CARMIL1: variants seen among roughly 807,000 people sequenced by gnomAD.
CARMIL1 encodes the protein F-actin-uncapping protein LRRC16A.
CARMIL1 carries 90 observed loss-of-function variants against 177.1 expected under a neutral mutation model. The ratio of observed to expected loss-of-function variants is 0.51; its 90% CI spans 0.43 to 0.61. CARMIL1 has a LOEUF of 0.61. Among genes scored for constraint, CARMIL1 ranks in the 20% least tolerant of loss-of-function variants. The probability of loss-of-function intolerance (pLI) is 0.00; values close to 1 mark genes in which losing one functional copy is unlikely to be tolerated. For synonymous variants in CARMIL1, 577 were observed against 606.2 expected (o/e 0.95, Z 0.71); for missense variants, 1,380 against 1,667.0 (o/e 0.83, Z 3.00).
chr6:25,613,887 A>G (rs1816688944), intron 36 of CARMIL1, among the ~76,000 whole-genome samples: 1 of 152,214 alleles, frequency 6.6e-6, no homozygotes, highest in Non-Finnish European at 1.5e-5. Context: ...TTCAGGCTGT[A>G]ACACCATGCC....
intron 24 of CARMIL1, 94 bp from the exon 25 acceptor site, chr6:25,537,761 G>A (rs1808448323): frequency 6.8e-7 from 1 of 1,478,060 alleles, no homozygotes; most frequent in Non-Finnish European, 9.1e-7. Flanking sequence ...GTGGTTTGCT[G>A]AAGTTTTTTT....
intron 29 of CARMIL1, among the ~76,000 whole-genome samples, chr6:25,573,988 AT>A (rs1328935146): frequency 6.6e-6 from 1 of 152,226 alleles, no homozygotes; most frequent in Non-Finnish European, 1.5e-5. Flanking sequence ...ACTAACACTT[AT>A]CAAACACTTA....
intron 21 of CARMIL1, 110 bp from the exon 22 acceptor site, chr6:25,517,237 G>A (rs1806090902): frequency 1.4e-6 from 1 of 722,178 alleles, no homozygotes. Context: ...CTCACATAAT[G>A]CAGCTGTACT....
intron 2 of CARMIL1, among the ~76,000 whole-genome samples, chr6:25,285,645 GA>G (rs1310420653): frequency 1.4e-5 from 2 of 138,060 alleles, no homozygotes; most frequent in Non-Finnish European, 3.0e-5. Context: ...TTGATGGAGA[GA>G]ATACTGTTTA....
At chr6:25,461,027 T>C (rs1800072215) in intron 8 of CARMIL1, among the ~76,000 whole-genome samples, 1 of 152,214 alleles carries the variant, frequency 6.6e-6, no homozygotes, top group Non-Finnish European at 1.5e-5. Flanking sequence ...TGTGTTCCTT[T>C]ATAGTTTTAT....
intron 2 of CARMIL1, among the ~76,000 whole-genome samples, chr6:25,406,983 G>A (rs1794432772): frequency 6.6e-6 from 1 of 152,102 alleles, no homozygotes; most frequent in Non-Finnish European, 1.5e-5. Flanking sequence ...AGTTGAAAAT[G>A]TATGGAAACG....
intron 2 of CARMIL1, among the ~76,000 whole-genome samples, chr6:25,298,413 G>GT (rs1472129063): frequency 6.6e-6 from 1 of 152,152 alleles, no homozygotes; most frequent in East Asian, 1.9e-4. Flanking sequence ...GGTTTAGAAT[G>GT]TTTTTTCACT....
intron 36 of CARMIL1, among the ~76,000 whole-genome samples, chr6:25,613,676 T>A (rs1160168878): frequency 6.6e-6 from 1 of 152,240 alleles, no homozygotes; most frequent in African/African-American, 2.4e-5. Context: ...CTGGTTAATA[T>A]ATTAACTTCT....
rs1217005295 is a variant in CARMIL1 at position 25,450,674 on chromosome 6, GA to G, written c.579del (p.Glu193AspfsTer2). 1 of 1,606,798 alleles carries G rather than the reference GA, an allele frequency of 6.2e-7. No individual in the cohort carries two copies. The highest frequency in any genetic ancestry group is 8.5e-7 in the Non-Finnish European group (1 of 1,175,862). The stretch of plus-strand genomic sequence containing the variant: ...AATTTATCTTACCCAAGACACCAGG[GA>G]ATTGAATTTACAAGATTTTAGTCAT... The part of the protein sequence containing the change: ...DTIYLTQDTR[E>X]LNLQDFSHLD... On this transcript the variant is annotated frameshift_variant, in exon 8 of 37. Transcript: ENST00000329474. LOFTEE classifies it high-confidence loss of function.
intron 2 of CARMIL1, among the ~76,000 whole-genome samples, chr6:25,289,078 G>A (rs560100847): frequency 6.6e-6 from 1 of 152,280 alleles, no homozygotes; most frequent in South Asian, 2.1e-4. Context: ...TGCCTCTTGG[G>A]ACAGTTAAGA....
chr6:25,401,477 T>C (rs1373544742), intron 2 of CARMIL1, among the ~76,000 whole-genome samples: 1 of 152,222 alleles, frequency 6.6e-6, no homozygotes, highest in Non-Finnish European at 1.5e-5. Flanking sequence ...GTGAATAAAA[T>C]TGTGTTCTTA....
chr6:25,550,932 A>T lies in CARMIL1; in HGVS notation c.2351A>T (p.Asp784Val). Reference sequence around the variant, plus strand: ...CAGGCGTTGCTTGAGTCCATGGTTGATGCTGCTGAGAATCTTTGTCCCAAT... The same window carrying T: ...CAGGCGTTGCTTGAGTCCATGGTTGTTGCTGCTGAGAATCTTTGTCCCAAT... The part of the protein sequence containing the change: ...QLKALLESMV[D>V]AAENLCPNVM... Residue 784 changes from aspartate (D) to valine (V), a missense_variant, in exon 27 of 37, where the codon GAT (aspartate) becomes GTT (valine). Coordinates refer to ENST00000329474, the MANE Select transcript of CARMIL1 (RefSeq NM_017640.6). 6.2e-7 allele frequency: 1 copy of T among 1,613,406 alleles called. No homozygotes were observed.
chr6:25,600,198 A>G (rs1019952424), intron 32 of CARMIL1, 116 bp from the exon 33 acceptor site: 20 of 947,500 alleles, frequency 2.1e-5, no homozygotes, highest in African/African-American at 1.2e-4. Context: ...GCTTTTAAAA[A>G]TGCTTCTGAA....
intron 2 of CARMIL1, among the ~76,000 whole-genome samples, chr6:25,378,431 C>A (rs529796547): frequency 3.9e-5 from 6 of 152,348 alleles, no homozygotes; most frequent in African/African-American, 1.2e-4. Flanking sequence ...GCCAAGGGAG[C>A]TTGTTCCCAC....
chr6:25,376,449 A>T (rs759544216), intron 2 of CARMIL1, among the ~76,000 whole-genome samples: 1 of 152,034 alleles, frequency 6.6e-6, no homozygotes, highest in African/African-American at 2.4e-5. Flanking sequence ...TTTATTTTTG[A>T]TTTGACTTAA....
rs750169275 is a variant in CARMIL1 at position 25,458,485 on chromosome 6, C to CAA, written c.615-7366_615-7365dup. On this transcript the variant is annotated intron_variant, in intron 8 of 36. Coordinates refer to ENST00000329474, the MANE Select transcript of CARMIL1 (RefSeq NM_017640.6). ...TGGGTGACAGAGCGAGACTCTGTCT[C>CAA]AAAAAAAAAAAAAAAAAAAAAAAGC... Among the ~76,000 whole-genome samples the CAA allele has an allele frequency of 9.6e-3, 647 of 67,702 alleles. 1 individual carries two copies. The highest frequency in any genetic ancestry group is 0.012 in the East Asian group (23 of 1,950). 44.4% of individuals were successfully genotyped at this position (67,702 alleles called of 152,430 possible).
intron 29 of CARMIL1, among the ~76,000 whole-genome samples, chr6:25,559,144 A>T (rs1163318507): frequency 6.6e-6 from 1 of 152,168 alleles, no homozygotes; most frequent in Non-Finnish European, 1.5e-5. Context: ...AAGTGCAAGG[A>T]TCCCTCTCCT....
At chr6:25,284,336 A>G (rs1194967387) in intron 1 of CARMIL1, among the ~76,000 whole-genome samples, 1 of 152,222 alleles carries the variant, frequency 6.6e-6, no homozygotes, top group Admixed American at 6.5e-5. Context: ...TCAGCATATC[A>G]ATATACAGTA....
intron 2 of CARMIL1, among the ~76,000 whole-genome samples, chr6:25,317,374 C>T (rs902206304): frequency 6.6e-6 from 1 of 152,078 alleles, no homozygotes; most frequent in African/African-American, 2.4e-5. Context: ...TCAAGCAATC[C>T]TTCTGCCTTG....
Sources: allele counts gnomAD v4.1 joint callset (sites outside exome capture counted in the v4.1 genomes callset), GRCh38; gene constraint gnomAD v4.1.1; transcripts MANE v1.5; gene names NCBI Gene and HGNC (gene_info 2026-07-23, HGNC 2026-07-21).